TMEM135: variants seen among roughly 807,000 people sequenced by gnomAD.
The protein encoded by TMEM135 is transmembrane protein 135.
Under a neutral mutation model 60.3 loss-of-function variants are expected in TMEM135, and 30 were observed. That is an observed-to-expected ratio of 0.50 (90% CI 0.37 to 0.68). The LOEUF (loss-of-function observed/expected upper bound fraction) is 0.68, where lower values mean the gene tolerates loss of function less well. Ranked by LOEUF, TMEM135 falls within the 30% of genes least tolerant of loss-of-function variation. The pLI, the probability that TMEM135 is intolerant of heterozygous loss-of-function variation, is 0.00. For missense variants in TMEM135, 468 were observed against 548.8 expected, an observed-to-expected ratio of 0.85 and a Z score of 1.47; for synonymous variants, 190 against 186.7, an observed-to-expected ratio of 1.02 and a Z score of -0.14.
chr11:87,168,037 G>C (rs1029507437), intron 5 of TMEM135, among the ~76,000 whole-genome samples: 6 of 152,060 alleles, frequency 3.9e-5, no homozygotes, highest in African/African-American at 1.4e-4. Flanking sequence ...TTTAGTCTTG[G>C]GAGGGTGTAT....
At chr11:87,283,726 C>T (rs1473050661) in intron 6 of TMEM135, among the ~76,000 whole-genome samples, 7 of 151,984 alleles carry the variant, frequency 4.6e-5, no homozygotes, top group East Asian at 3.9e-4. Flanking sequence ...GGCGTGGTGG[C>T]GGGCGCCTGT....
intron 3 of TMEM135, among the ~76,000 whole-genome samples, chr11:87,083,498 G>A (rs17758984): frequency 0.024 from 3,654 of 152,244 alleles, 58 homozygotes; most frequent in Admixed American, 0.06. Context: ...TTTATTGCAA[G>A]CATACTCATT....
At chr11:87,067,370 G>T (rs1027511494) in intron 1 of TMEM135, among the ~76,000 whole-genome samples, 4 of 151,392 alleles carry the variant, frequency 2.6e-5, no homozygotes, top group Non-Finnish European at 5.9e-5. Context: ...GTTTTTATTT[G>T]AAATGGAATT....
intron 4 of TMEM135, among the ~76,000 whole-genome samples, chr11:87,101,040 T>C (rs2512347): frequency 0.64 from 97,978 of 152,076 alleles, 32,756 homozygotes; most frequent in East Asian, 0.88. Flanking sequence ...TGTTAGTTAG[T>C]GTGTATTAGA....
In TMEM135 at chr11:87,090,141, T is replaced by C. The variant is rs549709040; in HGVS notation, c.363-1221T>C. Among the ~76,000 whole-genome samples, 12 of 152,302 alleles carry C rather than the reference T, an allele frequency of 7.9e-5. No homozygotes were observed. In the East Asian group the frequency reaches 2.3e-3, roughly 29 times the overall value. The stretch of plus-strand genomic sequence containing the variant: ...ACTGGGTGTATGGCACTGTGGGTCC[T>C]ATATCCCCTTCCCCTTTTAACCAGA... On this transcript the variant is annotated intron_variant, in intron 3 of 14. Coordinates refer to ENST00000305494, the MANE Select transcript of TMEM135 (RefSeq NM_022918.4).
chr11:87,119,884 T>TAA (rs766138230), intron 4 of TMEM135, among the ~76,000 whole-genome samples: 9,697 of 145,736 alleles, frequency 0.067, 336 homozygotes, highest in African/African-American at 0.086. Context: ...CTTTACTTTT[T>TAA]TAAAAAAAAA....
Position 87,321,415 on chromosome 11 carries a change from C to A in TMEM135, c.*82C>A. On this transcript the variant is annotated 3_prime_UTR_variant, in exon 15 of 15. Transcript: ENST00000305494. ...TTGAACACAAAGGAGGGGGCCCAAG[C>A]TCGAACTTCAGTGTTATTTCAGTTA... The A allele has an allele frequency of 6.8e-7, 1 of 1,467,448 alleles. No individual in the cohort carries two copies. The highest frequency in any genetic ancestry group is 9.5e-7 in the Non-Finnish European group (1 of 1,049,282). 90.9% of individuals were successfully genotyped at this position (1,467,448 alleles called of 1,614,324 possible).
At chr11:87,106,355 T>TA (rs1396613400) in intron 4 of TMEM135, among the ~76,000 whole-genome samples, 1 of 152,084 alleles carries the variant, frequency 6.6e-6, no homozygotes, top group Non-Finnish European at 1.5e-5. Flanking sequence ...CCATCCGCCT[T>TA]AGCCTCTCAA....
intron 5 of TMEM135, among the ~76,000 whole-genome samples, chr11:87,165,656 A>G (rs2135279721): frequency 6.6e-6 from 1 of 151,448 alleles, no homozygotes; most frequent in South Asian, 2.1e-4. Flanking sequence ...TTCAGCTGTG[A>G]ATCCATCTGG....
intron 4 of TMEM135, among the ~76,000 whole-genome samples, chr11:87,091,712 C>G (rs1857209711): frequency 6.6e-6 from 1 of 151,910 alleles, no homozygotes. Flanking sequence ...CTTTATATAT[C>G]TAATTTCATA....
In TMEM135 at chr11:87,089,255, C is replaced by T. The variant is rs556640725; in HGVS notation, c.363-2107C>T. 2.4e-4 allele frequency among the ~76,000 whole-genome samples: 36 copies of T among 152,232 alleles called. No homozygotes were observed. In the East Asian group the frequency reaches 3.1e-3, roughly 13 times the overall value. Reference sequence around the variant, plus strand: ...TTTCACCTTGAAATGCATTTGTCAGCGGGGTACGGTAGCACATGCCTGTAA... The same window carrying T: ...TTTCACCTTGAAATGCATTTGTCAGTGGGGTACGGTAGCACATGCCTGTAA... On this transcript the variant is annotated intron_variant, in intron 3 of 14. Coordinates refer to ENST00000305494, the MANE Select transcript of TMEM135 (RefSeq NM_022918.4).
chr11:87,084,462 C>T (rs1019779965), intron 3 of TMEM135, among the ~76,000 whole-genome samples: 14 of 152,202 alleles, frequency 9.2e-5, no homozygotes, highest in African/African-American at 2.2e-4. Flanking sequence ...CATGTGCCAC[C>T]GTGACCAGGT....
chr11:87,228,137 A>T (rs982118436), intron 5 of TMEM135, among the ~76,000 whole-genome samples: 2 of 152,150 alleles, frequency 1.3e-5, no homozygotes, highest in Non-Finnish European at 2.9e-5. Flanking sequence ...CTTCTATCCT[A>T]TTGTGTTCTA....
chr11:87,325,108 G>A lies in TMEM135; in HGVS notation c.*3775G>A. The A allele has an allele frequency of 2.2e-6, 1 of 453,742 alleles. No homozygotes were observed. The highest frequency in any genetic ancestry group is 4.4e-6 in the Non-Finnish European group (1 of 226,784). 28.1% of individuals were successfully genotyped at this position (453,742 alleles called of 1,614,324 possible). A position where few individuals can be genotyped will look rare whatever the true frequency, so the allele number is the denominator to read the frequency against. ...CTTCTTGTGGAATTAACAAAGAAAG[G>A]AGTGTCAAGGACTGAGATGACCCTC... is the stretch of plus-strand genomic sequence containing the variant. On this transcript the variant is annotated 3_prime_UTR_variant, in exon 15 of 15. Coordinates refer to ENST00000305494, the MANE Select transcript of TMEM135 (RefSeq NM_022918.4).
chr11:87,104,503 G>C (rs1591022262), intron 4 of TMEM135, among the ~76,000 whole-genome samples: 1 of 152,076 alleles, frequency 6.6e-6, no homozygotes, highest in Admixed American at 6.5e-5. Context: ...GGATTGCATT[G>C]AATCTATAGA....
chr11:87,309,469 G>A lies in TMEM135; in HGVS notation c.769-36G>A, dbSNP rs757743357. On this transcript the variant is annotated intron_variant, in intron 9 of 14. Transcript: ENST00000305494. ...TATTCTATCAAAAACTTCAAAATTT[G>A]TTTGTAAATCAGGTTTTTCTCCAAA... 5.0e-6 allele frequency: 8 copies of A among 1,611,704 alleles called. No homozygotes were observed. In the South Asian group the frequency reaches 8.8e-5, roughly 18 times the overall value.
At chr11:87,060,890 C>T (rs2135127746) in intron 1 of TMEM135, among the ~76,000 whole-genome samples, 1 of 152,264 alleles carries the variant, frequency 6.6e-6, no homozygotes, top group Middle Eastern at 3.4e-3. Flanking sequence ...GATCTGCCCG[C>T]CTCGGCCTCC....
At chr11:87,106,881 G>A (rs1329563992) in intron 4 of TMEM135, among the ~76,000 whole-genome samples, 2 of 152,244 alleles carry the variant, frequency 1.3e-5, no homozygotes, top group East Asian at 3.9e-4. Context: ...CAGCTTCTGG[G>A]GAGTCCTCAG....
Position 87,321,921 on chromosome 11 carries a change from A to C in TMEM135, c.*588A>C, listed in dbSNP as rs577257782. The C allele has an allele frequency of 4.4e-6, 2 of 454,422 alleles. No homozygotes were observed. Among genetic ancestry groups the C allele is most frequent in the East Asian group, 1.4e-4 (2 of 14,382 alleles). The allele number at this position is 454,422 out of a possible 1,614,324, so 28.1% of individuals were successfully genotyped here. A position where few individuals can be genotyped will look rare whatever the true frequency, so the allele number is the denominator to read the frequency against. On this transcript the variant is annotated 3_prime_UTR_variant, in exon 15 of 15. Coordinates refer to ENST00000305494, the MANE Select transcript of TMEM135 (RefSeq NM_022918.4). ...GGGATGCAAAGATGGGTCTCATACC[A>C]TTTGGATAAATGTCGTGGTATCCAT...
Sources: gnomAD v4.1 joint callset for allele counts (sites outside exome capture counted in the v4.1 genomes callset) on GRCh38, gnomAD v4.1.1 for gene constraint, MANE v1.5 for transcripts, NCBI Gene and HGNC (gene_info 2026-07-23, HGNC 2026-07-21) for gene names.